RBFOX3: variants seen among roughly 807,000 people sequenced by gnomAD.
The protein encoded by RBFOX3 is RNA binding fox-1 homolog 3, also known as RNA binding protein fox-1 homolog 3.
A neutral mutation model predicts 48.7 loss-of-function variants in RBFOX3; 17 were observed. The ratio of observed to expected loss-of-function variants is 0.35; its 90% CI spans 0.24 to 0.52. The LOEUF is 0.52. RBFOX3 is among the 20% of genes least tolerant of loss of function. The pLI, the probability that RBFOX3 is intolerant of heterozygous loss-of-function variation, is 0.94. For synonymous variants in RBFOX3, 212 were observed against 209.5 expected, an observed-to-expected ratio of 1.01 and a Z score of -0.10; for missense variants, 382 against 497.5, an observed-to-expected ratio of 0.77 and a Z score of 2.21.
rs887844862 is a variant in RBFOX3, at chr17:79,567,674, A to G, written c.-320+43152T>C. ...CAACTAAAAATAAAGGGAATAAGTA[A>G]ATAAATAAACTAGGTGACTCCTTGT... On this transcript the variant is annotated intron_variant, in intron 1 of 14. Transcript: ENST00000693108. Among the ~76,000 whole-genome samples the G allele has an allele frequency of 8.5e-4, 129 of 152,310 alleles. 1 individual carries two copies. The highest frequency in any genetic ancestry group is 5.4e-3 in the Admixed American group (83 of 15,298).
At chr17:79,544,993 A>AAAG (rs1555791463) in intron 1 of RBFOX3, among the ~76,000 whole-genome samples, 3 of 149,940 alleles carry the variant, frequency 2.0e-5, no homozygotes, top group African/African-American at 7.4e-5. Context: ...AAAAAAAAAA[A>AAAG]AGAGAAAGAA....
intron 3 of RBFOX3, among the ~76,000 whole-genome samples, chr17:79,260,769 G>A (rs183377158): frequency 2.8e-4 from 43 of 152,314 alleles, no homozygotes; most frequent in African/African-American, 1.0e-3. Context: ...TGTAAAGTGC[G>A]AGAAAATGGC....
chr17:79,469,946 G>A (rs76708502), intron 2 of RBFOX3, among the ~76,000 whole-genome samples: 20,142 of 152,046 alleles, frequency 0.13, 1,668 homozygotes, highest in Middle Eastern at 0.22. Context: ...CCATCTCATC[G>A]TCTCCAGCCC....
At position 79,198,186 on chromosome 17, in the gene RBFOX3, C is replaced by T. The variant is rs892676832; in HGVS notation, c.-34+37580G>A. On this transcript the variant is annotated intron_variant, in intron 4 of 14. Transcript: ENST00000693108. This position sits in a 1 kb window ranked among gnomAD's most constrained non-coding sequence, Gnocchi z 8.2. Reference sequence around the variant, plus strand: ...CATCCCGGAAGTGCTACGGTTGCATCGCTGGACCATCCTCAACACTGGACC... The same window carrying T: ...CATCCCGGAAGTGCTACGGTTGCATTGCTGGACCATCCTCAACACTGGACC... Among the ~76,000 whole-genome samples the T allele has an allele frequency of 5.7e-4, 86 of 152,204 alleles. No individual in the cohort carries two copies. Among genetic ancestry groups the T allele is most frequent in the African/African-American group, 1.9e-3 (79 of 41,490 alleles).
chr17:79,395,716 CA>C (rs1287399975), intron 2 of RBFOX3, among the ~76,000 whole-genome samples: 100 of 152,352 alleles, frequency 6.6e-4, no homozygotes, highest in African/African-American at 1.8e-3. Flanking sequence ...CGCTGAAGCA[CA>C]AGGCAGAAGC....
chr17:79,533,384 G>A (rs1478503142), intron 1 of RBFOX3, among the ~76,000 whole-genome samples: 2 of 152,224 alleles, frequency 1.3e-5, no homozygotes, highest in Non-Finnish European at 1.5e-5. Flanking sequence ...CATTGTCAGC[G>A]AGGGTGGCGA....
In RBFOX3 at chr17:79,442,362, GGAGAGAGA is replaced by G. The variant is rs1188141711; in HGVS notation, c.-175+40084_-175+40091del. ...GAGGGAGGGAGGGAGGAAGAGGGGG[GGAGAGAGA>G]GAGAGAGAGAGAGAGAGAGAGAGAG... On this transcript the variant is annotated intron_variant, in intron 2 of 14. Transcript: ENST00000693108. Among the ~76,000 whole-genome samples the G allele has an allele frequency of 1.2e-3, 9 of 7,450 alleles. 1 individual carries two copies. The highest frequency in any genetic ancestry group is 5.1e-3 in the African/African-American group (6 of 1,166). The allele number at this position is 7,450 out of a possible 152,430, so 4.9% of individuals were successfully genotyped here.
chr17:79,593,509 G>C (rs998202463), intron 1 of RBFOX3, among the ~76,000 whole-genome samples: 6 of 152,178 alleles, frequency 3.9e-5, no homozygotes, highest in Non-Finnish European at 2.9e-5. Flanking sequence ...CATGGCCACG[G>C]GAGGGTGGGC....
intron 2 of RBFOX3, among the ~76,000 whole-genome samples, chr17:79,340,950 G>C (rs1425148262): frequency 6.6e-6 from 1 of 152,192 alleles, no homozygotes; most frequent in Non-Finnish European, 1.5e-5. Flanking sequence ...TTTCAGTTCT[G>C]TGTCTAAGCA....
At chr17:79,308,532 G>A (rs778250146) in intron 2 of RBFOX3, among the ~76,000 whole-genome samples, 37 of 152,284 alleles carry the variant, frequency 2.4e-4, no homozygotes, top group Admixed American at 7.2e-4. Flanking sequence ...GCCTCTTAGC[G>A]GCTCACTCTG....
chr17:79,335,698 C>T (rs1384044732), intron 2 of RBFOX3, among the ~76,000 whole-genome samples: 1 of 152,184 alleles, frequency 6.6e-6, no homozygotes, highest in Non-Finnish European at 1.5e-5. Context: ...TCTGGCCCTG[C>T]TCCCACGTGC....
intron 6 of RBFOX3, 79 bp from the exon 7 acceptor site, chr17:79,104,205 A>T (rs2076956767): frequency 8.2e-7 from 1 of 1,218,130 alleles, no homozygotes; most frequent in African/African-American, 1.5e-5. Flanking sequence ...TGCCCGCTCC[A>T]CTCCTGAGAC....
intron 2 of RBFOX3, among the ~76,000 whole-genome samples, chr17:79,372,942 C>T (rs1360942482): frequency 6.6e-6 from 1 of 152,164 alleles, no homozygotes; most frequent in African/African-American, 2.4e-5. Flanking sequence ...TGGGCGGGGA[C>T]TGGCAGGAGT....
At chr17:79,440,970 G>A (rs991022728) in intron 2 of RBFOX3, among the ~76,000 whole-genome samples, 8 of 152,344 alleles carry the variant, frequency 5.3e-5, no homozygotes, top group East Asian at 1.9e-4. Context: ...CATAGTTGCC[G>A]CACAGGCTGG....
At chr17:79,348,380 A>G (rs1480595476) in intron 2 of RBFOX3, among the ~76,000 whole-genome samples, 1 of 152,002 alleles carries the variant, frequency 6.6e-6, no homozygotes, top group Admixed American at 6.6e-5. Context: ...TTATTCTCCC[A>G]TAGCTGTGTT....
intron 1 of RBFOX3, among the ~76,000 whole-genome samples, chr17:79,589,792 G>A (rs1176427143): frequency 6.6e-6 from 1 of 152,116 alleles, no homozygotes. Flanking sequence ...ACCATGGGGG[G>A]TCTGTCCTTC....
At chr17:79,308,189 G>T (rs755722746) in intron 2 of RBFOX3, among the ~76,000 whole-genome samples, 2 of 151,902 alleles carry the variant, frequency 1.3e-5, no homozygotes, top group Non-Finnish European at 2.9e-5. Context: ...TCCCCAAGCC[G>T]GGCCCCAGGT....
At chr17:79,279,181 G>GT (rs2069650966) in intron 3 of RBFOX3, among the ~76,000 whole-genome samples, 1 of 152,092 alleles carries the variant, frequency 6.6e-6, no homozygotes, top group Non-Finnish European at 1.5e-5. Context: ...CACGGGAGGT[G>GT]TTCACGGGGT....
intron 4 of RBFOX3, among the ~76,000 whole-genome samples, chr17:79,169,856 G>A (rs373321262): frequency 2.6e-5 from 4 of 152,018 alleles, no homozygotes; most frequent in East Asian, 3.9e-4. Flanking sequence ...CTTCATAAGG[G>A]TAAATGTTAC....
Sources: gnomAD v4.1 joint callset for allele counts (sites outside exome capture counted in the v4.1 genomes callset) on GRCh38, gnomAD v4.1.1 for gene constraint, Gnocchi (gnomAD v3.1) non-coding constraint, MANE v1.5 for transcripts, NCBI Gene and HGNC (gene_info 2026-07-23, HGNC 2026-07-21) for gene names.